The following SLC5A11 variants were observed in gnomAD, a reference collection of about 807,000 sequenced individuals.
The protein encoded by SLC5A11 is sodium/myo-inositol cotransporter 2.
In SLC5A11, 48 loss-of-function variants were observed where a neutral mutation model predicts 69.8. The ratio of observed to expected loss-of-function variants is 0.69; its 90% CI spans 0.55 to 0.87. The LOEUF (loss-of-function observed/expected upper bound fraction) is 0.87, where lower values mean the gene tolerates loss of function less well. SLC5A11 is among the 40% of genes least tolerant of loss of function. SLC5A11 has a pLI of 0.00. For missense variants in SLC5A11, 784 were observed against 866.1 expected (o/e 0.91, Z 1.19); for synonymous variants, 319 against 342.4 (o/e 0.93, Z 0.75).
chr16:24,905,285 A>ACC (rs1388218387), intron 10 of SLC5A11, among the ~76,000 whole-genome samples: 5 of 136,706 alleles, frequency 3.7e-5, no homozygotes, highest in South Asian at 2.2e-4. Context: ...AAAAAAAAAA[A>ACC]AAAAAAAAAA....
chr16:24,864,228 T>C (rs1244703862), intron 3 of SLC5A11, among the ~76,000 whole-genome samples: 5 of 152,210 alleles, frequency 3.3e-5, no homozygotes. Context: ...CCTAAGCTCT[T>C]GCCTCTGGCT....
chr16:24,861,372 T>TGGAA (rs1379100251), intron 2 of SLC5A11, among the ~76,000 whole-genome samples: 1 of 151,784 alleles, frequency 6.6e-6, no homozygotes, highest in Admixed American at 6.6e-5. Context: ...CCCAGATACT[T>TGGAA]GGAAGGCCGA....
intron 9 of SLC5A11, among the ~76,000 whole-genome samples, chr16:24,893,698 G>A (rs2048966114): frequency 6.6e-6 from 1 of 152,110 alleles, no homozygotes; most frequent in African/African-American, 2.4e-5. Flanking sequence ...AGCCTCCTGA[G>A]TAGCTGGGAC....
At chr16:24,886,830 T>G (rs1401956498) in intron 8 of SLC5A11, among the ~76,000 whole-genome samples, 1 of 152,088 alleles carries the variant, frequency 6.6e-6, no homozygotes, top group Non-Finnish European at 1.5e-5. Flanking sequence ...ACCTGTGGTC[T>G]CAGGTGGGGA....
chr16:24,848,125 G>C (rs995611235), intron 1 of SLC5A11, among the ~76,000 whole-genome samples: 1 of 152,194 alleles, frequency 6.6e-6, no homozygotes, highest in East Asian at 1.9e-4. Flanking sequence ...AGCATCCCAG[G>C]CAGAGGGAAC....
rs2048294421 is a variant in SLC5A11, at chr16:24,884,811, G to T, written c.664+680G>T. Among the ~76,000 whole-genome samples, 4 of 152,092 alleles carry T rather than the reference G, an allele frequency of 2.6e-5. No individual in the cohort carries two copies. In the South Asian group the frequency reaches 8.3e-4, roughly 32 times the overall value. ...GCTGAAGTGCAGTGACACAGTCTTG[G>T]CTCACTGCAACCTCTGCCTCCTGGG... On this transcript the variant is annotated intron_variant, in intron 8 of 15. Transcript: ENST00000347898.
At chr16:24,851,004 T>A (rs1207576506) in intron 1 of SLC5A11, among the ~76,000 whole-genome samples, 3 of 151,332 alleles carry the variant, frequency 2.0e-5, no homozygotes, top group Non-Finnish European at 4.4e-5. Flanking sequence ...GGAGACAGGG[T>A]TTCATCACGT....
chr16:24,910,212 C>G, intron 14 of SLC5A11, 94 bp from the exon 16 acceptor site: 2 of 1,308,416 alleles, frequency 1.5e-6, no homozygotes, highest in Admixed American at 3.9e-5. Context: ...GACACAAAGG[C>G]TGAGTGTGGG....
intron 15 of SLC5A11, among the ~76,000 whole-genome samples, chr16:24,910,687 A>G (rs2050452392): frequency 6.6e-6 from 1 of 152,134 alleles, no homozygotes; most frequent in Admixed American, 6.6e-5. Flanking sequence ...GGGCACTAAC[A>G]GCAAACAAAC....
chr16:24,911,210 G>A (rs2050499351), intron 15 of SLC5A11, 118 bp from the exon 17 acceptor site: 1 of 881,122 alleles, frequency 1.1e-6, no homozygotes, highest in South Asian at 1.5e-5. Context: ...CGGGCATAGT[G>A]GATGGTGGTT....
Position 24,906,749 on chromosome 16 carries a change from G to T in SLC5A11, c.1099G>T (p.Glu367Ter). 1 of 1,612,818 alleles carries T rather than the reference G, an allele frequency of 6.2e-7. No individual in the cohort carries two copies. The highest frequency in any genetic ancestry group is 8.5e-7 in the Non-Finnish European group (1 of 1,179,328). The change falls in exon 11 of 16, where the codon GAA (glutamate) becomes TAA (stop). Residue 367 changes from glutamate to a stop codon, truncating the protein, a stop_gained. Coordinates refer to ENST00000347898, the Ensembl canonical transcript of SLC5A11. LOFTEE classifies it high-confidence loss of function. ...CATCGCGTATCCCAAACTCGTGCTG[G>T]AACTCCTGCCCACAGGTAATGTCCC...
At chr16:24,863,339 T>C (rs540415666) in intron 3 of SLC5A11, among the ~76,000 whole-genome samples, 35 of 152,194 alleles carry the variant, frequency 2.3e-4, no homozygotes, top group African/African-American at 8.2e-4. Context: ...TACTGGGACC[T>C]CATTTTCTCC....
At chr16:24,891,516 G>T (rs2048810052) in intron 9 of SLC5A11, among the ~76,000 whole-genome samples, 1 of 151,688 alleles carries the variant, frequency 6.6e-6, no homozygotes, top group Admixed American at 6.6e-5. Context: ...AGAGATGCAG[G>T]TCTCACTACA....
At chr16:24,857,013 G>A (rs1306827742) in intron 1 of SLC5A11, among the ~76,000 whole-genome samples, 1 of 152,064 alleles carries the variant, frequency 6.6e-6, no homozygotes, top group Non-Finnish European at 1.5e-5. Context: ...TAGAGACGGG[G>A]TCCACCACGT....
intron 3 of SLC5A11, among the ~76,000 whole-genome samples, chr16:24,866,087 T>C (rs1464339032): frequency 7.0e-6 from 1 of 141,934 alleles, no homozygotes; most frequent in African/African-American, 2.6e-5. Context: ...AATGGCATAC[T>C]AGATAATATC....
chr16:24,883,730 C>T (rs1254033405), intron 7 of SLC5A11, among the ~76,000 whole-genome samples: 1 of 152,216 alleles, frequency 6.6e-6, no homozygotes, highest in African/African-American at 2.4e-5. Flanking sequence ...GGTCTCAGGG[C>T]AACAGGAGAG....
In SLC5A11 at chr16:24,897,973, G is replaced by A; in HGVS notation, c.871-1G>A. The stretch of plus-strand genomic sequence containing the variant: ...TTTCCAACCCCCTTGATCTTTTCCA[G>A]GTGATTGTCCAGCGGACTCTGGCTG... On this transcript the variant is annotated splice_acceptor_variant, in intron 9 of 15. Coordinates refer to ENST00000347898, the Ensembl canonical transcript of SLC5A11. LOFTEE classifies it high-confidence loss of function. The A allele has an allele frequency of 6.2e-7, 1 of 1,613,914 alleles. No homozygotes were observed. Among genetic ancestry groups the A allele is most frequent in the Non-Finnish European group, 8.5e-7 (1 of 1,179,946 alleles).
chr16:24,849,523 C>A (rs2059168998), intron 1 of SLC5A11, among the ~76,000 whole-genome samples: 1 of 140,548 alleles, frequency 7.1e-6, no homozygotes, highest in Admixed American at 7.5e-5. Flanking sequence ...GCAGAGATTG[C>A]ACCACTGCAC....
chr16:24,847,232 T>G (rs2059060478), intron 1 of SLC5A11, among the ~76,000 whole-genome samples: 1 of 151,676 alleles, frequency 6.6e-6, no homozygotes, highest in Admixed American at 6.6e-5. Flanking sequence ...TTCCCTTTCT[T>G]TCTCCTTCCT....
Sources: allele counts gnomAD v4.1 joint callset (sites outside exome capture counted in the v4.1 genomes callset), GRCh38; gene constraint gnomAD v4.1.1; transcripts MANE v1.5; gene names NCBI Gene and HGNC (gene_info 2026-07-23, HGNC 2026-07-21).